Variants in ANXA4 observed in about 807,000 individuals in gnomAD.
ANXA4 encodes the protein 35-beta calcimedin.
ANXA4 carries 39 observed loss-of-function variants against 49.8 expected under a neutral mutation model. The ratio of observed to expected loss-of-function variants is 0.78; its 90% CI spans 0.61 to 1.02. ANXA4 has a LOEUF of 1.02. Ranked by LOEUF, ANXA4 falls within the 50% of genes least tolerant of loss-of-function variation. ANXA4 has a pLI of 0.00. For synonymous variants in ANXA4, 134 were observed against 152.5 expected (o/e 0.88, Z 0.89); for missense variants, 360 against 410.1 (o/e 0.88, Z 1.05).
intron 1 of ANXA4, among the ~76,000 whole-genome samples, chr2:69,647,715 T>A (rs538880678): frequency 6.4e-5 from 9 of 141,470 alleles, no homozygotes; most frequent in East Asian, 2.1e-4. Context: ...AGCCACTTTT[T>A]AAAAAAAATA....
chr2:69,804,641 T>C lies in ANXA4; in HGVS notation c.192+14T>C. The C allele has an allele frequency of 6.2e-7, 1 of 1,602,932 alleles. No homozygotes were observed. Among genetic ancestry groups the C allele is most frequent in the Non-Finnish European group, 8.5e-7 (1 of 1,173,434 alleles). On this transcript the variant is annotated intron_variant, in intron 4 of 12. Transcript: ENST00000394295. ...ACCATCGGCAGGGTAGGCCACAGTC[T>C]TTCCTGCTCTGTCTGGCTGACTTCG...
intron 2 of ANXA4, among the ~76,000 whole-genome samples, chr2:69,781,883 A>G (rs1448446183): frequency 6.6e-6 from 1 of 152,166 alleles, no homozygotes; most frequent in Non-Finnish European, 1.5e-5. Context: ...TTTAAAAAGG[A>G]AAAACTAAAA....
At chr2:69,678,389 C>A (rs928687453) in intron 2 of ANXA4, among the ~76,000 whole-genome samples, 1 of 78,332 alleles carries the variant, frequency 1.3e-5, no homozygotes, top group Non-Finnish European at 2.5e-5. Context: ...CTTTTCTTTT[C>A]TTTTTTTTTT....
At chr2:69,649,573 A>T (rs17036901) in intron 1 of ANXA4, among the ~76,000 whole-genome samples, 9,984 of 85,014 alleles carry the variant, frequency 0.12, 1,037 homozygotes, top group East Asian at 0.46. Context: ...ATTCTCTTGT[A>T]TTCTCTTGTG....
At chr2:69,666,249 C>A (rs1391453571) in intron 2 of ANXA4, among the ~76,000 whole-genome samples, 1 of 152,156 alleles carries the variant, frequency 6.6e-6, no homozygotes, top group Non-Finnish European at 1.5e-5. Context: ...TGCTAAACAT[C>A]ATTGATTATT....
At chr2:69,646,939 C>T (rs1676028428) in intron 1 of ANXA4, among the ~76,000 whole-genome samples, 1 of 152,212 alleles carries the variant, frequency 6.6e-6, no homozygotes, top group Non-Finnish European at 1.5e-5. Flanking sequence ...CTGGTTCTGG[C>T]TGGTTTTCAG....
chr2:69,788,067 G>A lies in ANXA4; in HGVS notation c.23G>A (p.Gly8Asp). Residue 8 changes from glycine (G) to aspartate (D), a missense_variant, in exon 3 of 13, where the codon GGT (glycine) becomes GAT (aspartate). Physicochemically the swap from Gly to Asp is moderately conservative, Grantham distance 94. Transcript: ENST00000394295. ...TTGTGTGCTCAGGCAACCAAAGGAG[G>A]TACTGTCAAAGCTGCTTCAGGATTC... MAMATKG[G>D]TVKAASGFNA... The A allele has an allele frequency of 6.2e-7, 1 of 1,613,890 alleles. No homozygotes were observed.
intron 12 of ANXA4, among the ~76,000 whole-genome samples, chr2:69,821,602 T>C (rs1368279743): frequency 6.6e-6 from 1 of 152,088 alleles, no homozygotes; most frequent in Non-Finnish European, 1.5e-5. Context: ...CCTGAGTAGC[T>C]GGGACTACAG....
intron 2 of ANXA4, among the ~76,000 whole-genome samples, chr2:69,660,101 A>G (rs1224983486): frequency 2.0e-5 from 3 of 152,204 alleles, no homozygotes; most frequent in African/African-American, 4.8e-5. Context: ...GCATGTATGC[A>G]CATATGTATG....
At chr2:69,774,448 T>C (rs1303109734) in intron 1 of ANXA4, among the ~76,000 whole-genome samples, 3 of 150,108 alleles carry the variant, frequency 2.0e-5, no homozygotes, top group Non-Finnish European at 4.4e-5. Context: ...AAGTGATTCT[T>C]CTGCCTCAGC....
chr2:69,739,006 A>T (rs1277241284), upstream of ANXA4, among the ~76,000 whole-genome samples: 1 of 152,242 alleles, frequency 6.6e-6, no homozygotes, highest in Non-Finnish European at 1.5e-5. Context: ...GAACACCTCA[A>T]CTACATCTGA....
intron 9 of ANXA4, 78 bp from the exon 10 acceptor site, chr2:69,818,521 A>G: frequency 1.1e-6 from 1 of 917,684 alleles, no homozygotes. Context: ...AGGCTAGTTA[A>G]AAATGCTCAT....
intron 1 of ANXA4, among the ~76,000 whole-genome samples, chr2:69,762,794 C>T (rs1233962996): frequency 6.6e-6 from 1 of 151,982 alleles, no homozygotes; most frequent in East Asian, 1.9e-4. Context: ...GAATAGATCC[C>T]CACATCAGAC....
intron 2 of ANXA4, among the ~76,000 whole-genome samples, chr2:69,703,487 T>C (rs776002999): frequency 6.6e-6 from 1 of 152,236 alleles, no homozygotes; most frequent in Non-Finnish European, 1.5e-5. Flanking sequence ...CCAAGACATT[T>C]CATAAACATA....
chr2:69,697,165 C>T (rs1368770130), intron 2 of ANXA4, among the ~76,000 whole-genome samples: 1 of 152,224 alleles, frequency 6.6e-6, no homozygotes, highest in Non-Finnish European at 1.5e-5. Context: ...AGTGTAGCCA[C>T]CTTCATCTAT....
At chr2:69,694,509 CT>C (rs1360572373) in intron 2 of ANXA4, among the ~76,000 whole-genome samples, 8 of 100,486 alleles carry the variant, frequency 8.0e-5, no homozygotes, top group Admixed American at 2.0e-4. Flanking sequence ...AATGCTATCC[CT>C]CCCCCCTCCC....
At chr2:69,648,820 CAAAA>C (rs372749631) in intron 1 of ANXA4, among the ~76,000 whole-genome samples, 5 of 44,924 alleles carry the variant, frequency 1.1e-4, no homozygotes, top group Admixed American at 4.6e-4. Context: ...GACTCAGTCT[CAAAA>C]AAAAAAAAAA....
At chr2:69,781,287 A>G in intron 1 of ANXA4, 1 of 567,152 alleles carries the variant, frequency 1.8e-6, no homozygotes, top group South Asian at 2.1e-5. Flanking sequence ...TGTATCTCCA[A>G]ACAGAAGAAC....
intron 12 of ANXA4, among the ~76,000 whole-genome samples, chr2:69,824,396 A>G (rs1447112243): frequency 6.6e-6 from 1 of 151,660 alleles, no homozygotes; most frequent in Non-Finnish European, 1.5e-5. Flanking sequence ...CCAGCTACGC[A>G]GGCAGCTGAG....
Sources: gnomAD v4.1 joint callset for allele counts (sites outside exome capture counted in the v4.1 genomes callset) on GRCh38, gnomAD v4.1.1 for gene constraint, MANE v1.5 for transcripts, NCBI Gene and HGNC (gene_info 2026-07-23, HGNC 2026-07-21) for gene names.